UMAD1: variants seen among roughly 807,000 people sequenced by gnomAD.
UMAD1 encodes UBAP1-MVB12-associated (UMA)-domain containing protein 1.
In UMAD1, 8 loss-of-function variants were observed where a neutral mutation model predicts 6.1. The ratio of observed to expected loss-of-function variants is 1.30; its 90% CI spans 0.76 to 2.35. The LOEUF (loss-of-function observed/expected upper bound fraction) is 2.35. Ranked by LOEUF, UMAD1 falls within the 30% of genes most tolerant of loss-of-function variation. UMAD1 has a pLI of 0.00. For missense variants in UMAD1, 130 were observed against 78.4 expected, an observed-to-expected ratio of 1.66 and a Z score of -2.49; for synonymous variants, 56 against 31.4, an observed-to-expected ratio of 1.78 and a Z score of -2.61.
At chr7:7,690,043 G>A (rs1780137231) in intron 2 of UMAD1, among the ~76,000 whole-genome samples, 1 of 152,130 alleles carries the variant, frequency 6.6e-6, no homozygotes, top group Non-Finnish European at 1.5e-5. Flanking sequence ...CCCATCTAAA[G>A]TGATGGGAAA....
chr7:7,862,291 A>G (rs6953475), intron 3 of UMAD1, among the ~76,000 whole-genome samples: 16,471 of 152,142 alleles, frequency 0.11, 1,271 homozygotes, highest in African/African-American at 0.21. Flanking sequence ...CTTATTGTAT[A>G]TGTAGATGAT....
intron 2 of UMAD1, among the ~76,000 whole-genome samples, chr7:7,723,509 T>C (rs532781842): frequency 7.0e-4 from 106 of 152,230 alleles, no homozygotes; most frequent in Admixed American, 1.7e-3. Flanking sequence ...CTTAGGGAGA[T>C]TGGGATGGTG....
chr7:7,778,275 TGAGAGA>T (rs1554327252), intron 2 of UMAD1, among the ~76,000 whole-genome samples: 31 of 110,652 alleles, frequency 2.8e-4, no homozygotes, highest in East Asian at 1.0e-3. Context: ...TGTGTGTGTG[TGAGAGA>T]GAGAGAGAGA....
At chr7:7,866,882 C>G (rs1407309682) in intron 3 of UMAD1, among the ~76,000 whole-genome samples, 2 of 151,986 alleles carry the variant, frequency 1.3e-5, no homozygotes, top group Non-Finnish European at 2.9e-5. Flanking sequence ...ATGGGAAACT[C>G]TTGCAGCATT....
intron 2 of UMAD1, among the ~76,000 whole-genome samples, chr7:7,777,238 G>A (rs999833280): frequency 5.3e-5 from 8 of 151,828 alleles, no homozygotes; most frequent in Admixed American, 2.0e-4. Context: ...TGGGCGTGGC[G>A]GCTCATCCCT....
Position 7,878,973 on chromosome 7 carries a change from G to C in UMAD1, c.*1435G>C, listed in dbSNP as rs919258265. On this transcript the variant is annotated 3_prime_UTR_variant, in exon 4 of 4. Coordinates refer to ENST00000682710, the MANE Select transcript of UMAD1 (RefSeq NM_001302348.2). ...TTACTGATGCAAACGTGAACATTTT[G>C]TAGTAGTTTTGTAAAAGAACATCCT... 1 of 152,132 alleles carries C rather than the reference G, an allele frequency of 6.6e-6. No individual in the cohort carries two copies. The highest frequency in any genetic ancestry group is 2.4e-5 in the African/African-American group (1 of 41,446). 9.4% of individuals were successfully genotyped at this position (152,132 alleles called of 1,614,324 possible).
chr7:7,727,518 C>A (rs984752955), intron 2 of UMAD1, among the ~76,000 whole-genome samples: 2 of 152,136 alleles, frequency 1.3e-5, no homozygotes, highest in African/African-American at 4.8e-5. Flanking sequence ...TACTGAGTGT[C>A]AACTTGATTG....
chr7:7,869,320 G>A (rs1180319273), intron 3 of UMAD1, among the ~76,000 whole-genome samples: 3 of 152,176 alleles, frequency 2.0e-5, no homozygotes, highest in Admixed American at 1.3e-4. Flanking sequence ...GCTTGTTCAG[G>A]CTATTGTTCA....
chr7:7,782,797 C>T (rs1467107555), intron 2 of UMAD1, among the ~76,000 whole-genome samples: 1 of 143,112 alleles, frequency 7.0e-6, no homozygotes, highest in East Asian at 2.1e-4. Flanking sequence ...AGTGCAGTGG[C>T]GTGATCTTGA....
intron 2 of UMAD1, among the ~76,000 whole-genome samples, chr7:7,801,454 A>C (rs929641833): frequency 2.0e-5 from 3 of 152,228 alleles, no homozygotes; most frequent in African/African-American, 7.2e-5. Flanking sequence ...GGATACATTT[A>C]GGTTGTGTGT....
intron 3 of UMAD1, among the ~76,000 whole-genome samples, chr7:7,855,183 C>G (rs1042930303): frequency 1.3e-5 from 2 of 152,216 alleles, no homozygotes; most frequent in African/African-American, 2.4e-5. Flanking sequence ...ATGGTGCAAG[C>G]TGTCAGTGAA....
At chr7:7,725,452 C>T (rs1294994010) in intron 2 of UMAD1, among the ~76,000 whole-genome samples, 2 of 152,188 alleles carry the variant, frequency 1.3e-5, no homozygotes, top group Non-Finnish European at 2.9e-5. Flanking sequence ...ATAAGTGAAT[C>T]ACAGTGGAGG....
intron 2 of UMAD1, among the ~76,000 whole-genome samples, chr7:7,794,279 C>T (rs889023054): frequency 6.6e-6 from 1 of 152,186 alleles, no homozygotes; most frequent in African/African-American, 2.4e-5. Flanking sequence ...AATAACAGCC[C>T]TCTTCCCCAG....
intron 2 of UMAD1, among the ~76,000 whole-genome samples, chr7:7,737,343 A>C (rs1781380375): frequency 6.6e-6 from 1 of 152,168 alleles, no homozygotes; most frequent in African/African-American, 2.4e-5. Flanking sequence ...AACTTATGTA[A>C]ACTAAAATAC....
chr7:7,668,371 T>A (rs886725), intron 1 of UMAD1, among the ~76,000 whole-genome samples: 88,184 of 151,996 alleles, frequency 0.58, 25,853 homozygotes, highest in East Asian at 0.8. Flanking sequence ...AGTAAAAAAA[T>A]TTATGAGTAC....
intron 1 of UMAD1, among the ~76,000 whole-genome samples, chr7:7,656,851 A>G (rs955371382): frequency 1.1e-4 from 17 of 152,140 alleles, no homozygotes. Context: ...TGCTGGGTCA[A>G]ATGGTATTTC....
chr7:7,746,515 C>T (rs973473457), intron 2 of UMAD1, among the ~76,000 whole-genome samples: 2 of 152,194 alleles, frequency 1.3e-5, no homozygotes, highest in Non-Finnish European at 2.9e-5. Context: ...ATTTCACACA[C>T]GTTGCTTAAA....
At chr7:7,661,726 C>G (rs35904330) in intron 1 of UMAD1, among the ~76,000 whole-genome samples, 34,942 of 152,148 alleles carry the variant, frequency 0.23, 4,600 homozygotes, top group Middle Eastern at 0.33. Context: ...GAGCTCTCCT[C>G]TATGAGGTGT....
intron 3 of UMAD1, among the ~76,000 whole-genome samples, chr7:7,864,584 TGAG>T (rs1020564327): frequency 1.4e-5 from 2 of 143,048 alleles, no homozygotes; most frequent in African/African-American, 5.3e-5. Flanking sequence ...CAGCTAGACA[TGAG>T]GAGAACATGA....
Sources: gnomAD v4.1 joint callset for allele counts (sites outside exome capture counted in the v4.1 genomes callset) on GRCh38, gnomAD v4.1.1 for gene constraint, MANE v1.5 for transcripts, NCBI Gene and HGNC (gene_info 2026-07-23, HGNC 2026-07-21) for gene names.